MIX23: variants seen among roughly 807,000 people sequenced by gnomAD.
MIX23 encodes mitochondrial matrix import factor 23, also known as protein MIX23.
In MIX23, 13 loss-of-function variants were observed where a neutral mutation model predicts 21.6. The observed-to-expected ratio is 0.60, with a 90% CI of 0.39 to 0.96. MIX23 has a LOEUF of 0.96. MIX23 is among the 40% of genes least tolerant of loss of function. The probability of loss-of-function intolerance (pLI) is 0.00; values close to 1 mark genes in which losing one functional copy is unlikely to be tolerated. For missense variants in MIX23, 144 were observed against 171.2 expected, an observed-to-expected ratio of 0.84 and a Z score of 0.89; for synonymous variants, 59 against 58.0, an observed-to-expected ratio of 1.02 and a Z score of -0.08.
chr3:122,364,634 C>A (rs1483581250), intron 3 of MIX23, among the ~76,000 whole-genome samples: 1 of 152,112 alleles, frequency 6.6e-6, no homozygotes, highest in African/African-American at 2.4e-5. Context: ...AAAGAGAATA[C>A]CCTGACACTG....
chr3:122,375,915 T>A (rs935613694), intron 1 of MIX23, among the ~76,000 whole-genome samples: 2 of 152,050 alleles, frequency 1.3e-5, no homozygotes, highest in Non-Finnish European at 2.9e-5. Context: ...GGCTCACGCC[T>A]GACTTTGGGA....
intron 1 of MIX23, among the ~76,000 whole-genome samples, chr3:122,380,613 CAAT>C (rs1259044092): frequency 5.3e-5 from 8 of 151,870 alleles, no homozygotes; most frequent in Admixed American, 2.6e-4. Context: ...CGTATGAGGA[CAAT>C]AATAAGAGAC....
intron 1 of MIX23, among the ~76,000 whole-genome samples, chr3:122,374,200 T>A (rs1576237264): frequency 6.6e-6 from 1 of 151,992 alleles, no homozygotes; most frequent in Non-Finnish European, 1.5e-5. Flanking sequence ...AGGCCAAGGG[T>A]TAAGTTGTGC....
intron 3 of MIX23, chr3:122,367,843 T>C (rs1469719485): frequency 3.1e-6 from 1 of 324,896 alleles, no homozygotes; most frequent in African/African-American, 2.2e-5. Flanking sequence ...TGTACAGATG[T>C]GATTTCCCCA....
chr3:122,372,430 T>C (rs1202176317), intron 1 of MIX23, among the ~76,000 whole-genome samples: 1 of 148,674 alleles, frequency 6.7e-6, no homozygotes, highest in Admixed American at 6.7e-5. Flanking sequence ...TTTCTGGCAG[T>C]ATATCTTTCT....
chr3:122,367,200 G>A (rs1014370764), intron 3 of MIX23, among the ~76,000 whole-genome samples: 4 of 151,994 alleles, frequency 2.6e-5, no homozygotes, highest in Non-Finnish European at 5.9e-5. Context: ...AGAATGAACT[G>A]TAAAGCAGGT....
At chr3:122,382,684 A>C (rs954557203) in intron 1 of MIX23, among the ~76,000 whole-genome samples, 6 of 152,246 alleles carry the variant, frequency 3.9e-5, no homozygotes, top group Admixed American at 1.3e-4. Context: ...CAATGACACT[A>C]GAGCAGGTAC....
At chr3:122,382,356 A>G (rs1021960124) in intron 1 of MIX23, among the ~76,000 whole-genome samples, 1 of 152,220 alleles carries the variant, frequency 6.6e-6, no homozygotes, top group Admixed American at 6.5e-5. Flanking sequence ...TCCTAGCTAC[A>G]GGGAGGCTGA....
chr3:122,362,872 C>T, intron 4 of MIX23, 96 bp downstream of exon 4: 4 of 786,948 alleles, frequency 5.1e-6, no homozygotes, highest in Non-Finnish European at 8.1e-6. Context: ...ACTTTCCTTA[C>T]AGCCTCAAGG....
In MIX23 at chr3:122,383,158, A is replaced by C; in HGVS notation, c.51+16T>G. 2 of 1,613,998 alleles carry C rather than the reference A, an allele frequency of 1.2e-6. No homozygotes were observed. The highest frequency in any genetic ancestry group is 1.7e-6 in the Non-Finnish European group (2 of 1,179,992). The stretch of plus-strand genomic sequence containing the variant: ...AAAGGAGGCACATGCCTGCCACATG[A>C]GGAAAACCCCATCACCTGGAACTCG... On this transcript the variant is annotated intron_variant, in intron 1 of 4. Transcript: ENST00000291458.
intron 1 of MIX23, among the ~76,000 whole-genome samples, chr3:122,372,722 C>T (rs2075451504): frequency 6.6e-6 from 1 of 151,872 alleles, no homozygotes; most frequent in African/African-American, 2.4e-5. Context: ...ATCCTAGCTA[C>T]CTGGGAGGCT....
intron 4 of MIX23, among the ~76,000 whole-genome samples, chr3:122,361,748 C>T (rs927727221): frequency 6.6e-6 from 1 of 152,196 alleles, no homozygotes; most frequent in South Asian, 2.1e-4. Context: ...CAAATCCTCT[C>T]AAGTGACAGA....
chr3:122,369,466 G>T (rs1178126764), intron 2 of MIX23, among the ~76,000 whole-genome samples: 1 of 152,200 alleles, frequency 6.6e-6, no homozygotes, highest in East Asian at 1.9e-4. Flanking sequence ...CTTCTTGACT[G>T]ACATAATACT....
chr3:122,361,271 T>C (rs964708143), intron 4 of MIX23, among the ~76,000 whole-genome samples: 1 of 152,220 alleles, frequency 6.6e-6, no homozygotes, highest in African/African-American at 2.4e-5. Flanking sequence ...ATAGAAAATA[T>C]GTAGAAATTA....
At chr3:122,373,087 GA>G in intron 1 of MIX23, 1 of 369,418 alleles carries the variant, frequency 2.7e-6, no homozygotes, top group Non-Finnish European at 5.2e-6. Flanking sequence ...AGAAAAGTTA[GA>G]AAAAAACTTT....
intron 2 of MIX23, among the ~76,000 whole-genome samples, chr3:122,370,030 G>GT (rs2075428829): frequency 6.6e-6 from 1 of 152,188 alleles, no homozygotes; most frequent in African/African-American, 2.4e-5. Flanking sequence ...GATTACAGGT[G>GT]TGAGCCACTG....
intron 1 of MIX23, among the ~76,000 whole-genome samples, chr3:122,374,119 TAAA>T (rs369902989): frequency 1.1e-3 from 144 of 136,674 alleles, no homozygotes; most frequent in East Asian, 0.01. Flanking sequence ...TTTTTTTTTT[TAAA>T]AAAAAAGCCT....
intron 3 of MIX23, among the ~76,000 whole-genome samples, chr3:122,365,160 C>A (rs184336837): frequency 1.3e-5 from 2 of 152,138 alleles, no homozygotes; most frequent in African/African-American, 4.8e-5. Context: ...GGTCCAGCAA[C>A]GAAGGTGCTT....
At chr3:122,373,451 T>G (rs917093829) in intron 1 of MIX23, among the ~76,000 whole-genome samples, 18 of 152,080 alleles carry the variant, frequency 1.2e-4, no homozygotes, top group Non-Finnish European at 2.5e-4. Flanking sequence ...TTTTGTATAT[T>G]TTTGTAGAGA....
Sources: allele counts gnomAD v4.1 joint callset (sites outside exome capture counted in the v4.1 genomes callset), GRCh38; gene constraint gnomAD v4.1.1; transcripts MANE v1.5; gene names NCBI Gene and HGNC (gene_info 2026-07-23, HGNC 2026-07-21).